The following TMEM132D variants were observed in gnomAD, a reference collection of about 807,000 sequenced individuals.
The protein encoded by TMEM132D is mature OL transmembrane protein.
A neutral mutation model predicts 62.3 loss-of-function variants in TMEM132D; 21 were observed. The ratio of observed to expected loss-of-function variants is 0.34; its 90% CI spans 0.24 to 0.49. The LOEUF is 0.49. Ranked by LOEUF, TMEM132D falls within the 20% of genes least tolerant of loss-of-function variation. TMEM132D has a pLI of 0.99. For synonymous variants in TMEM132D, 621 were observed against 575.6 expected (o/e 1.08, Z -1.13); for missense variants, 1,346 against 1,402.8 (o/e 0.96, Z 0.65).
chr12:129,490,832 C>A (rs1566086750), intron 3 of TMEM132D, among the ~76,000 whole-genome samples: 2 of 151,694 alleles, frequency 1.3e-5, no homozygotes, highest in Middle Eastern at 3.4e-3. Flanking sequence ...ATCTGAGTTT[C>A]GGCGACCCCG....
chr12:129,330,500 A>ATT (rs1292517766), intron 4 of TMEM132D, among the ~76,000 whole-genome samples: 1 of 152,218 alleles, frequency 6.6e-6, no homozygotes, highest in Non-Finnish European at 1.5e-5. Flanking sequence ...GAATTAATCC[A>ATT]TTCGTGGATG....
intron 4 of TMEM132D, among the ~76,000 whole-genome samples, chr12:129,230,169 A>T (rs1389019772): frequency 6.6e-6 from 1 of 152,198 alleles, no homozygotes; most frequent in East Asian, 1.9e-4. Context: ...TCTGAGGTCT[A>T]TGCTTCCCTT....
chr12:129,634,879 T>C (rs1400341083), intron 2 of TMEM132D, among the ~76,000 whole-genome samples: 1 of 152,232 alleles, frequency 6.6e-6, no homozygotes, highest in Non-Finnish European at 1.5e-5. Flanking sequence ...GCTACTATTC[T>C]CTGTTTCACA....
At chr12:129,604,826 C>T (rs1196494500) in intron 2 of TMEM132D, among the ~76,000 whole-genome samples, 1 of 152,096 alleles carries the variant, frequency 6.6e-6, no homozygotes, top group East Asian at 1.9e-4. Flanking sequence ...AGAGACCCAG[C>T]TAAGACACAA....
At chr12:129,735,270 T>C (rs2137255097) in intron 1 of TMEM132D, among the ~76,000 whole-genome samples, 1 of 152,312 alleles carries the variant, frequency 6.6e-6, no homozygotes, top group East Asian at 1.9e-4. Context: ...TAACTTCACC[T>C]GTCCTGCTCA....
intron 1 of TMEM132D, among the ~76,000 whole-genome samples, chr12:129,776,803 A>G (rs888401212): frequency 2.1e-4 from 32 of 151,636 alleles, no homozygotes; most frequent in African/African-American, 4.6e-4. Flanking sequence ...AAAAAAAAAA[A>G]AAAAGAAAAG....
At chr12:129,730,156 G>A (rs1367024208) in intron 1 of TMEM132D, among the ~76,000 whole-genome samples, 2 of 152,076 alleles carry the variant, frequency 1.3e-5, no homozygotes, top group African/African-American at 4.8e-5. Context: ...ATTAAGAAAT[G>A]TCATATTTTT....
chr12:129,629,956 T>C (rs1879312909), intron 2 of TMEM132D, among the ~76,000 whole-genome samples: 1 of 152,222 alleles, frequency 6.6e-6, no homozygotes, highest in African/African-American at 2.4e-5. Flanking sequence ...GTTTTATCTT[T>C]GAATTGAGCC....
intron 3 of TMEM132D, among the ~76,000 whole-genome samples, chr12:129,426,340 G>A (rs148075247): frequency 1.5e-3 from 227 of 152,298 alleles, no homozygotes; most frequent in African/African-American, 5.2e-3. Flanking sequence ...TCCAGAAACC[G>A]CTGGGGAACT....
chr12:129,513,804 T>TTATA (rs1555262102), intron 3 of TMEM132D, among the ~76,000 whole-genome samples: 1 of 133,992 alleles, frequency 7.5e-6, no homozygotes, highest in African/African-American at 2.8e-5. Context: ...CAATTTTTAT[T>TTATA]TTTATTTATT....
intron 3 of TMEM132D, among the ~76,000 whole-genome samples, chr12:129,527,808 T>A (rs1259941774): frequency 6.6e-6 from 1 of 152,226 alleles, no homozygotes; most frequent in Non-Finnish European, 1.5e-5. Flanking sequence ...ACAGATCTGA[T>A]AGCTGGGGTA....
At chr12:129,442,808 G>C (rs1872978735) in intron 3 of TMEM132D, among the ~76,000 whole-genome samples, 1 of 152,132 alleles carries the variant, frequency 6.6e-6, no homozygotes, top group Non-Finnish European at 1.5e-5. Context: ...ATGACCCAGA[G>C]TCCTTCAAAC....
At chr12:129,146,075 TC>T (rs1445566886) in intron 5 of TMEM132D, among the ~76,000 whole-genome samples, 2 of 102,304 alleles carry the variant, frequency 2.0e-5, no homozygotes, top group African/African-American at 1.0e-4. Context: ...CCCATACTGA[TC>T]TTTTTTTTTT....
intron 5 of TMEM132D, among the ~76,000 whole-genome samples, chr12:129,157,373 T>G (rs1268553686): frequency 6.6e-6 from 1 of 152,256 alleles, no homozygotes; most frequent in African/African-American, 2.4e-5. Flanking sequence ...ATCCTATTAT[T>G]TTCAATGCTT....
chr12:129,077,537 AACACATGCATCACACACAT>A (rs1380628355), intron 8 of TMEM132D, among the ~76,000 whole-genome samples: 3 of 151,876 alleles, frequency 2.0e-5, no homozygotes, highest in African/African-American at 7.3e-5. Context: ...TCCACATACA[AACACATGCATCACACACAT>A]ACACACAACA....
intron 3 of TMEM132D, among the ~76,000 whole-genome samples, chr12:129,419,126 TA>T (rs950663029): frequency 6.6e-6 from 1 of 152,138 alleles, no homozygotes; most frequent in East Asian, 1.9e-4. Flanking sequence ...CTTCGTTATG[TA>T]AAAAATGGGT....
At chr12:129,445,338 C>A (rs945490810) in intron 3 of TMEM132D, among the ~76,000 whole-genome samples, 5 of 152,030 alleles carry the variant, frequency 3.3e-5, no homozygotes, top group African/African-American at 9.7e-5. Flanking sequence ...AGGAGAGAAT[C>A]AAGAAAAATA....
chr12:129,349,241 G>A (rs1869789579), intron 3 of TMEM132D, among the ~76,000 whole-genome samples: 2 of 152,184 alleles, frequency 1.3e-5, no homozygotes, highest in Non-Finnish European at 2.9e-5. Context: ...AACACTTGAA[G>A]TATGCCAGAC....
intron 2 of TMEM132D, among the ~76,000 whole-genome samples, chr12:129,647,243 GTTTT>G (rs57450911): frequency 7.7e-5 from 9 of 117,596 alleles, no homozygotes; most frequent in African/African-American, 1.7e-4. Flanking sequence ...TTGTTTTTCT[GTTTT>G]TTTTTTTTTT....
Sources: allele counts gnomAD v4.1 joint callset (sites outside exome capture counted in the v4.1 genomes callset), GRCh38; gene constraint gnomAD v4.1.1; transcripts MANE v1.5; gene names NCBI Gene and HGNC (gene_info 2026-07-23, HGNC 2026-07-21).